PARD3: variants seen among roughly 807,000 people sequenced by gnomAD.
PARD3 encodes partitioning defective 3 homolog.
Under a neutral mutation model 155.4 loss-of-function variants are expected in PARD3, and 75 were observed. The observed-to-expected ratio is 0.48, with a 90% CI of 0.40 to 0.58. The LOEUF (loss-of-function observed/expected upper bound fraction) is 0.58. Ranked by LOEUF, PARD3 falls within the 20% of genes least tolerant of loss-of-function variation. The pLI, the probability that PARD3 is intolerant of heterozygous loss-of-function variation, is 0.00. For synonymous variants in PARD3, 576 were observed against 610.5 expected, an observed-to-expected ratio of 0.94 and a Z score of 0.83; for missense variants, 1,642 against 1,721.7, an observed-to-expected ratio of 0.95 and a Z score of 0.82.
At chr10:34,796,956 G>T (rs1842326834) in intron 1 of PARD3, among the ~76,000 whole-genome samples, 1 of 152,206 alleles carries the variant, frequency 6.6e-6, no homozygotes, top group African/African-American at 2.4e-5. Context: ...CTGCACTCCA[G>T]CCTGGATGGC....
intron 15 of PARD3, chr10:34,344,629 A>C: frequency 2.0e-6 from 2 of 985,372 alleles, no homozygotes; most frequent in South Asian, 9.4e-5. Flanking sequence ...CAACCATTAG[A>C]AAAATGTTTA....
At chr10:34,534,037 G>A (rs541349272) in intron 2 of PARD3, among the ~76,000 whole-genome samples, 13 of 152,208 alleles carry the variant, frequency 8.5e-5, no homozygotes, top group African/African-American at 1.2e-4. Context: ...CATAGCCAAC[G>A]GGTTAACTTT....
intron 5 of PARD3, among the ~76,000 whole-genome samples, chr10:34,441,563 A>G (rs2132661140): frequency 6.6e-6 from 1 of 152,336 alleles, no homozygotes; most frequent in East Asian, 1.9e-4. Flanking sequence ...ATGGAAAAGT[A>G]GAATGCCATC....
intron 2 of PARD3, among the ~76,000 whole-genome samples, chr10:34,524,055 G>A (rs777252642): frequency 3.3e-5 from 5 of 151,620 alleles, no homozygotes; most frequent in African/African-American, 1.2e-4. Flanking sequence ...TAAAGCACAC[G>A]TGATAACCTG....
At position 34,130,137 on chromosome 10, in the gene PARD3, C is replaced by T. The variant is rs1947528559; in HGVS notation, c.3540+1326G>A. On this transcript the variant is annotated intron_variant, in intron 23 of 24. Coordinates refer to ENST00000374788, the MANE Select transcript of PARD3 (RefSeq NM_001184785.2). Reference sequence around the variant, plus strand: ...GATGGCAGGCCTTAGACCTCAACATCGTCTGAACTATCGCCTCTACTTCCA... The same window carrying T: ...GATGGCAGGCCTTAGACCTCAACATTGTCTGAACTATCGCCTCTACTTCCA... 2.0e-5 allele frequency among the ~76,000 whole-genome samples: 3 copies of T among 152,168 alleles called. No individual in the cohort carries two copies. The South Asian group carries it at 6.2e-4, about 31-fold the overall frequency.
intron 2 of PARD3, among the ~76,000 whole-genome samples, chr10:34,684,872 C>CACACAG (rs2093926543): frequency 4.2e-5 from 4 of 96,008 alleles, no homozygotes; most frequent in African/African-American, 3.8e-5. Context: ...TATATATACA[C>CACACAG]ACACATACAC....
At chr10:34,763,670 T>C (rs77303985) in intron 1 of PARD3, among the ~76,000 whole-genome samples, 2,539 of 152,094 alleles carry the variant, frequency 0.017, 33 homozygotes, top group Non-Finnish European at 0.027. Context: ...TTCTAACCCA[T>C]CACCTACAAA....
intron 22 of PARD3, among the ~76,000 whole-genome samples, chr10:34,182,089 A>C (rs147221626): frequency 4.9e-4 from 74 of 152,290 alleles, no homozygotes; most frequent in African/African-American, 1.6e-3. Flanking sequence ...GCTTAACACT[A>C]CCGCACAGCA....
chr10:34,776,433 C>G (rs1588697386), intron 1 of PARD3, among the ~76,000 whole-genome samples: 1 of 152,218 alleles, frequency 6.6e-6, no homozygotes, highest in African/African-American at 2.4e-5. Flanking sequence ...GTTTTTAAAA[C>G]AGCAGATCTA....
intron 22 of PARD3, among the ~76,000 whole-genome samples, chr10:34,194,137 G>A (rs895060559): frequency 3.3e-5 from 5 of 152,176 alleles, no homozygotes; most frequent in African/African-American, 9.7e-5. Context: ...CATATTGAGA[G>A]TAATTTTAGG....
chr10:34,296,726 A>C (rs1281915481), intron 20 of PARD3, among the ~76,000 whole-genome samples: 2 of 152,200 alleles, frequency 1.3e-5, no homozygotes, highest in Non-Finnish European at 2.9e-5. Context: ...TGGGCTTGAA[A>C]GTATCAGATA....
intron 5 of PARD3, among the ~76,000 whole-genome samples, chr10:34,411,765 T>C (rs1339865891): frequency 2.0e-5 from 3 of 149,456 alleles, no homozygotes; most frequent in East Asian, 1.9e-4. Context: ...GATAGATAGA[T>C]AGATAGATAG....
intron 22 of PARD3, among the ~76,000 whole-genome samples, chr10:34,239,646 A>G (rs1953451661): frequency 6.6e-6 from 1 of 152,186 alleles, no homozygotes. Flanking sequence ...TGCTAAAAAT[A>G]CAAAAAAGTA....
intron 14 of PARD3, among the ~76,000 whole-genome samples, chr10:34,355,958 C>CAAAAAAAAAAAA (rs1491326864): frequency 6.9e-5 from 8 of 116,214 alleles, no homozygotes; most frequent in East Asian, 2.3e-4. Flanking sequence ...AAAACAAAAC[C>CAAAAAAAAAAAA]AAACAAAAAA....
chr10:34,529,060 G>A (rs563507), intron 2 of PARD3, among the ~76,000 whole-genome samples: 11,819 of 152,270 alleles, frequency 0.078, 715 homozygotes, highest in African/African-American at 0.17. Context: ...AAAAGATGAT[G>A]CATTCAGTTA....
chr10:34,147,577 A>T (rs1338442527), intron 22 of PARD3, among the ~76,000 whole-genome samples: 1 of 151,790 alleles, frequency 6.6e-6, no homozygotes, highest in Non-Finnish European at 1.5e-5. Context: ...TTCCCTTTAC[A>T]ATGTCTAAAT....
At chr10:34,349,580 TAAAAAAAAA>T in intron 14 of PARD3, among the ~76,000 whole-genome samples, 5 of 44,708 alleles carry the variant, frequency 1.1e-4, no homozygotes, top group East Asian at 9.7e-4. Context: ...TCTGGGAAAG[TAAAAAAAAA>T]AAAAAAAAAA....
At chr10:34,124,791 C>T (rs941750957) in intron 23 of PARD3, among the ~76,000 whole-genome samples, 1 of 152,122 alleles carries the variant, frequency 6.6e-6, no homozygotes, top group African/African-American at 2.4e-5. Context: ...TCTTTTATCC[C>T]CGCCCCCATC....
intron 2 of PARD3, among the ~76,000 whole-genome samples, chr10:34,579,554 C>CTCTGTGTGTGTGTG (rs1554775574): frequency 5.1e-4 from 62 of 122,566 alleles, no homozygotes; most frequent in African/African-American, 1.6e-3. Context: ...ACCATTTTCT[C>CTCTGTGTGTGTGTG]TGTGTGTGTG....
Sources: gnomAD v4.1 joint callset for allele counts (sites outside exome capture counted in the v4.1 genomes callset) on GRCh38, gnomAD v4.1.1 for gene constraint, MANE v1.5 for transcripts, NCBI Gene and HGNC (gene_info 2026-07-23, HGNC 2026-07-21) for gene names.